Variants in CILP observed in about 807,000 individuals in gnomAD.
CILP encodes cartilage intermediate layer protein 1.
Under a neutral mutation model 82.5 loss-of-function variants are expected in CILP, and 75 were observed. The ratio of observed to expected loss-of-function variants is 0.91; its 90% CI spans 0.75 to 1.10. CILP has a LOEUF of 1.10. Among genes scored for constraint, CILP ranks in the 50% least tolerant of loss-of-function variants. The probability of loss-of-function intolerance (pLI) is 0.00; values close to 1 mark genes in which losing one functional copy is unlikely to be tolerated. For missense variants in CILP, 1,479 were observed against 1,530.8 expected (o/e 0.97, Z 0.56); for synonymous variants, 530 against 580.3 (o/e 0.91, Z 1.25).
In CILP at chr15:65,196,992, G is replaced by A. The variant is rs370255325; in HGVS notation, c.3294C>T (p.Gly1098=). ...TGATTCTGGAGGAGCCATCGGATGT[G>A]CCATCAAAGCACCGGCCGAGCGCGA... ...KEIALGRCFD[G]TSDGSSRIMK... is the part of the protein sequence containing the mutation. Residue 1098 remains glycine (G), a synonymous_variant, in exon 9 of 9, where the codon GGC becomes GGT. Transcript: ENST00000261883. The A allele has an allele frequency of 6.2e-7, 1 of 1,614,066 alleles. No individual in the cohort carries two copies. Among genetic ancestry groups the A allele is most frequent in the African/African-American group, 1.3e-5 (1 of 74,932 alleles).
rs1422893751 is a variant in CILP, at chr15:65,206,784, G to C, written c.422C>G (p.Pro141Arg). 1 of 1,605,574 alleles carries C rather than the reference G, an allele frequency of 6.2e-7. No individual in the cohort carries two copies. The highest frequency in any genetic ancestry group is 1.3e-5 in the African/African-American group (1 of 74,722). The stretch of plus-strand genomic sequence containing the variant: ...GGGGTGGGGGCGTTCTGGCTTACCT[G>C]GTGGGCAGAGGAAGCGTACGGTGTA... ...SNYTVRFLCP[P>R]GSLRRDTERI... The change falls in exon 4 of 9, where the codon CCA becomes CGA. Residue 141 changes from proline to arginine, a missense_variant and splice_region_variant. Transcript: ENST00000261883.
rs894101789 is a variant in CILP at position 65,198,622 on chromosome 15, A to T, written c.1664T>A (p.Leu555Gln). 6.2e-7 allele frequency: 1 copy of T among 1,614,104 alleles called. No individual in the cohort carries two copies. The highest frequency in any genetic ancestry group is 1.3e-5 in the African/African-American group (1 of 74,944). Residue 555 changes from leucine to glutamine, a missense_variant, in exon 9 of 9, where the codon CTA (leucine) becomes CAA (glutamine). Physicochemically the swap from Leu to Gln is moderately radical, Grantham distance 113. Coordinates refer to ENST00000261883, the MANE Select transcript of CILP (RefSeq NM_003613.4). ...LQKFVNTTKV[L>Q]PFNKKGSAVF... Reference sequence around the variant, plus strand: ...GGCACTCCCCTTCTTGTTGAAAGGTAGCACTTTGGTGGTGTTGACAAACTT... The same window carrying T: ...GGCACTCCCCTTCTTGTTGAAAGGTTGCACTTTGGTGGTGTTGACAAACTT...
rs1229743520 is a variant in CILP at position 65,205,451 on chromosome 15, T to A, written c.440A>T (p.Asp147Val). The A allele has an allele frequency of 1.2e-6, 2 of 1,609,528 alleles. No homozygotes were observed. The highest frequency in any genetic ancestry group is 1.7e-6 in the Non-Finnish European group (2 of 1,176,582). Residue 147 changes from aspartate to valine, a missense_variant, in exon 5 of 9, where the codon GAC (aspartate) becomes GTC (valine). Transcript: ENST00000261883. Reference sequence around the variant, plus strand: ...CCATGGGCTCCAGATGCGCTCTGTGTCTCGGCGCAGGGATCCTGCAAAGTG... The same window carrying A: ...CCATGGGCTCCAGATGCGCTCTGTGACTCGGCGCAGGGATCCTGCAAAGTG... The part of the protein sequence containing the change: ...FLCPPGSLRR[D>V]TERIWSPWSP...
Position 65,198,608 on chromosome 15 carries a change from T to C in CILP, c.1678A>G (p.Lys560Glu), listed in dbSNP as rs150281412. 1.9e-5 allele frequency: 31 copies of C among 1,614,238 alleles called. No individual in the cohort carries two copies. The highest frequency in any genetic ancestry group is 2.6e-5 in the Non-Finnish European group (31 of 1,180,050). Residue 560 changes from lysine (K) to glutamate (E), a missense_variant, in exon 9 of 9, where the codon AAG becomes GAG. Coordinates refer to ENST00000261883, the MANE Select transcript of CILP (RefSeq NM_003613.4). ...NTTKVLPFNK[K>E]GSAVFHEIKM... The stretch of plus-strand genomic sequence containing the variant: ...ATTTCATGGAACACGGCACTCCCCT[T>C]CTTGTTGAAAGGTAGCACTTTGGTG...
chr15:65,198,440 A>C lies in CILP; in HGVS notation c.1846T>G (p.Tyr616Asp), dbSNP rs1454499159. The change falls in exon 9 of 9, where the codon TAC becomes GAC. Residue 616 changes from tyrosine (Y) to aspartate (D), a missense_variant. Coordinates refer to ENST00000261883, the MANE Select transcript of CILP (RefSeq NM_003613.4). ...RSFYRQNGEP[Y>D]IGKVKASVTF... is the part of the protein sequence containing the mutation. ...ACACTGGCCTTCACTTTTCCTATGT[A>C]GGGCTCCCCATTCTGCCTGTAGAAA... is the stretch of plus-strand genomic sequence containing the variant. 5 of 1,614,100 alleles carry C rather than the reference A, an allele frequency of 3.1e-6. No homozygotes were observed. The highest frequency in any genetic ancestry group is 4.2e-6 in the Non-Finnish European group (5 of 1,180,038).
At chr15:65,205,020 AAACAAC>A (rs565136281) in intron 5 of CILP, among the ~76,000 whole-genome samples, 2 of 152,030 alleles carry the variant, frequency 1.3e-5, no homozygotes, top group Non-Finnish European at 2.9e-5. Flanking sequence ...CTCTGTCTCA[AAACAAC>A]AACAACAACA....
Position 65,195,066 on chromosome 15 carries a change from T to C in CILP, c.*1665A>G, listed in dbSNP as rs560933185. ...GACAGATGTGGAGTCTGGAAGTGGG[T>C]CAAGTTGCAATCACAAGACCACTAG... On this transcript the variant is annotated 3_prime_UTR_variant, in exon 9 of 9. Transcript: ENST00000261883. The C allele has an allele frequency of 6.6e-6, 1 of 152,208 alleles. No homozygotes were observed. Among genetic ancestry groups the C allele is most frequent in the South Asian group, 2.1e-4 (1 of 4,814 alleles). 9.4% of individuals were successfully genotyped at this position (152,208 alleles called of 1,614,324 possible).
At position 65,196,757 on chromosome 15, in the gene CILP, C is replaced by T. The variant is rs2140669190; in HGVS notation, c.3529G>A (p.Val1177Ile). 6.4e-7 allele frequency: 1 copy of T among 1,560,878 alleles called. No individual in the cohort carries two copies. Among genetic ancestry groups the T allele is most frequent in the Non-Finnish European group, 8.7e-7 (1 of 1,151,824 alleles). The change falls in exon 9 of 9, where the codon GTT becomes ATT. Residue 1177 changes from valine (V) to isoleucine (I), a missense_variant. Physicochemically the swap from Val to Ile is conservative, Grantham distance 29. Transcript: ENST00000261883. ...GVVASLRFPR[V>I]AQQPLIN Reference sequence around the variant, plus strand: ...TAGTTGATCAGGGGCTGTTGAGCAACTCTAGGAAATCTCAGAGAGGCCACC... The same window carrying T: ...TAGTTGATCAGGGGCTGTTGAGCAATTCTAGGAAATCTCAGAGAGGCCACC...
At chr15:65,205,788 G>A (rs948937417) in intron 4 of CILP, among the ~76,000 whole-genome samples, 4 of 152,182 alleles carry the variant, frequency 2.6e-5, no homozygotes, top group Admixed American at 1.3e-4. Flanking sequence ...TGTGGAAACG[G>A]CCACATGCTC....
chr15:65,201,728 CAAAAA>C (rs59737757), intron 8 of CILP, 139 bp downstream of exon 8: 1,739 of 267,880 alleles, frequency 6.5e-3, no homozygotes, highest in Middle Eastern at 9.0e-3. Context: ...GACTCCATCT[CAAAAA>C]AAAAAAAAAA....
At chr15:65,202,293 T>G (rs2088467089) in intron 7 of CILP, among the ~76,000 whole-genome samples, 1 of 152,172 alleles carries the variant, frequency 6.6e-6, no homozygotes, top group Non-Finnish European at 1.5e-5. Context: ...TACTTCAGCT[T>G]TCTGGTCTAT....
At position 65,196,994 on chromosome 15, in the gene CILP, C is replaced by T. The variant is rs2088371900; in HGVS notation, c.3292G>A (p.Gly1098Ser). The change falls in exon 9 of 9, where the codon GGC becomes AGC. Residue 1098 changes from glycine (G) to serine (S), a missense_variant. By Grantham distance (56) the Gly-to-Ser change is moderately conservative. Transcript: ENST00000261883. Reference sequence around the variant, plus strand: ...ATTCTGGAGGAGCCATCGGATGTGCCATCAAAGCACCGGCCGAGCGCGATC... The same window carrying T: ...ATTCTGGAGGAGCCATCGGATGTGCTATCAAAGCACCGGCCGAGCGCGATC... ...KEIALGRCFD[G>S]TSDGSSRIMK... 1 of 1,614,064 alleles carries T rather than the reference C, an allele frequency of 6.2e-7. No homozygotes were observed. Among genetic ancestry groups the T allele is most frequent in the South Asian group, 1.1e-5 (1 of 91,082 alleles).
chr15:65,198,845 TGC>T lies in CILP; in HGVS notation c.1439_1440del (p.Cys480Ter). The T allele has an allele frequency of 6.2e-7, 1 of 1,614,156 alleles. No individual in the cohort carries two copies. The highest frequency in any genetic ancestry group is 8.5e-7 in the Non-Finnish European group (1 of 1,180,040). On this transcript the variant is annotated frameshift_variant, in exon 9 of 9. Coordinates refer to ENST00000261883, the MANE Select transcript of CILP (RefSeq NM_003613.4). LOFTEE classifies it high-confidence loss of function. Reference sequence around the variant, plus strand: ...CGAGTTTCCGTACACCGCTGGCAGCTGCACTCCTTGGCCACCTTGGTGGGTAG... The same window carrying T: ...CGAGTTTCCGTACACCGCTGGCAGCTACTCCTTGGCCACCTTGGTGGGTAG... ...YTLPTKVAKE[C>X]SCQRCTETRS...
intron 2 of CILP, among the ~76,000 whole-genome samples, chr15:65,208,405 AG>A (rs2088542911): frequency 1.3e-5 from 2 of 152,202 alleles, no homozygotes; most frequent in African/African-American, 4.8e-5. Context: ...TTCCTGCCTT[AG>A]AGTATTGTGG....
chr15:65,208,488 T>G (rs896800811), intron 2 of CILP, among the ~76,000 whole-genome samples: 2 of 152,256 alleles, frequency 1.3e-5, no homozygotes, highest in African/African-American at 4.8e-5. Context: ...GAATAAGTGC[T>G]AGCAACTTCT....
Position 65,198,646 on chromosome 15 carries a change from T to C in CILP, c.1640A>G (p.Lys547Arg), listed in dbSNP as rs2088411064. The C allele has an allele frequency of 5.6e-6, 9 of 1,614,126 alleles. No individual in the cohort carries two copies. In the East Asian group the frequency reaches 2.0e-4, roughly 36 times the overall value. ...LVLTFVDRLQ[K>R]FVNTTKVLPF... Reference sequence around the variant, plus strand: ...TAGCACTTTGGTGGTGTTGACAAACTTCTGCAGCCTGTCCACAAATGTGAG... The same window carrying C: ...TAGCACTTTGGTGGTGTTGACAAACCTCTGCAGCCTGTCCACAAATGTGAG... Residue 547 changes from lysine to arginine, a missense_variant, in exon 9 of 9, where the codon AAG becomes AGG. Lys to Arg is a conservative substitution (Grantham distance 26). Coordinates refer to ENST00000261883, the MANE Select transcript of CILP (RefSeq NM_003613.4).
chr15:65,198,393 A>G lies in CILP; in HGVS notation c.1893T>C (p.Asn631=). The change falls in exon 9 of 9, where the codon AAT becomes AAC. Residue 631 remains asparagine, a synonymous_variant. Coordinates refer to ENST00000261883, the MANE Select transcript of CILP (RefSeq NM_003613.4). ...KASVTFLDPR[N]ISTATAAQTD... ...TCTGGGCAGCTGTGGCTGTGGAAATATTCCGGGGATCCAGGAAGGTCACAC... is the reference window on the plus strand; with the variant it reads ...TCTGGGCAGCTGTGGCTGTGGAAATGTTCCGGGGATCCAGGAAGGTCACAC... 6.2e-7 allele frequency: 1 copy of G among 1,614,176 alleles called. No homozygotes were observed. The highest frequency in any genetic ancestry group is 8.5e-7 in the Non-Finnish European group (1 of 1,180,014).
At chr15:65,205,527 C>G in intron 4 of CILP, 61 bp from the exon 5 acceptor site, 1 of 1,483,144 alleles carries the variant, frequency 6.7e-7, no homozygotes, top group Non-Finnish European at 9.1e-7. Context: ...GTCAGGAAAT[C>G]TGACCCTGAG....
chr15:65,195,122 A>G lies in CILP; in HGVS notation c.*1609T>C, dbSNP rs2088346727. 1 of 152,090 alleles carries G rather than the reference A, an allele frequency of 6.6e-6. No individual in the cohort carries two copies. The highest frequency in any genetic ancestry group is 1.5e-5 in the Non-Finnish European group (1 of 68,026). The allele number at this position is 152,090 out of a possible 1,614,324, so 9.4% of individuals were successfully genotyped here. On this transcript the variant is annotated 3_prime_UTR_variant, in exon 9 of 9. Coordinates refer to ENST00000261883, the MANE Select transcript of CILP (RefSeq NM_003613.4). ...ACTCCTGCAGATGCTTGCTTTTTCT[A>G]TGGTTATTGTGATGTGCTCAGCTAG...
Sources: gnomAD v4.1 joint callset for allele counts (sites outside exome capture counted in the v4.1 genomes callset) on GRCh38, gnomAD v4.1.1 for gene constraint, MANE v1.5 for transcripts, NCBI Gene and HGNC (gene_info 2026-07-23, HGNC 2026-07-21) for gene names.